TASP1: variants seen among roughly 807,000 people sequenced by gnomAD.
TASP1 encodes the protein threonine aspartase 1.
In TASP1, 16 loss-of-function variants were observed where a neutral mutation model predicts 56.6. That is an observed-to-expected ratio of 0.28 (90% confidence interval 0.19 to 0.43). TASP1 has a LOEUF of 0.43. Ranked by LOEUF, TASP1 falls within the 20% of genes least tolerant of loss-of-function variation. The pLI is 1.00. For synonymous variants in TASP1, 179 were observed against 184.2 expected (o/e 0.97, Z 0.23); for missense variants, 393 against 511.6 (o/e 0.77, Z 2.24).
the TASP1 span, among the ~76,000 whole-genome samples, chr20:13,357,375 A>G: frequency 6.6e-6 from 1 of 152,166 alleles, no homozygotes; most frequent in African/African-American, 2.4e-5. Flanking sequence ...CTTTATCTTC[A>G]GGATCAGATA....
At chr20:13,353,964 A>G in the TASP1 span, among the ~76,000 whole-genome samples, 1 of 152,204 alleles carries the variant, frequency 6.6e-6, no homozygotes, top group African/African-American at 2.4e-5. Flanking sequence ...GAAAACTTCA[A>G]AAAGTCTCAC....
intron 4 of TASP1, among the ~76,000 whole-genome samples, chr20:13,619,754 G>A (rs1185458395): frequency 6.6e-6 from 1 of 152,114 alleles, no homozygotes; most frequent in Non-Finnish European, 1.5e-5. Context: ...AATCTTCTCT[G>A]CTGTGAGTGA....
At position 13,390,402 on chromosome 20, in the gene TASP1, T is replaced by C. The variant is rs1267032099; in HGVS notation, c.1221A>G (p.Ala407=). 1.2e-6 allele frequency: 2 copies of C among 1,613,980 alleles called. No individual in the cohort carries two copies. Among genetic ancestry groups the C allele is most frequent in the South Asian group, 2.2e-5 (2 of 91,072 alleles). ...PPGAVAGQSV[A]IEGGVCRLES... is the part of the protein sequence containing the mutation. ...CCAGGCGGCACACCCCACCTTCGAT[T>C]GCCACAGACTGTCCTGCCACCGCAC... is the stretch of plus-strand genomic sequence containing the variant. Residue 407 remains alanine, a synonymous_variant, in exon 14 of 14, where the codon GCA becomes GCG. Coordinates refer to ENST00000337743, the MANE Select transcript of TASP1 (RefSeq NM_017714.3).
At chr20:13,497,469 T>C (rs117781190) in intron 10 of TASP1, among the ~76,000 whole-genome samples, 3,892 of 152,252 alleles carry the variant, frequency 0.026, 69 homozygotes, top group South Asian at 0.043. Flanking sequence ...AGCTGAAAGC[T>C]AGGCTGTAAA....
At chr20:13,362,808 A>AATATATAT in the TASP1 span, among the ~76,000 whole-genome samples, 6,243 of 114,452 alleles carry the variant, frequency 0.055, 359 homozygotes, top group East Asian at 0.18. Context: ...AATAGCAAGA[A>AATATATAT]ATATATATAT....
chr20:13,322,008 G>C, the TASP1 span, among the ~76,000 whole-genome samples: 3 of 152,178 alleles, frequency 2.0e-5, no homozygotes, highest in African/African-American at 7.2e-5. Context: ...GAATTAATGA[G>C]TCAACATTTA....
rs557568353 is a variant in TASP1 at position 13,522,754 on chromosome 20, A to G, written c.874+5679T>C. On this transcript the variant is annotated intron_variant, in intron 10 of 13. Coordinates refer to ENST00000337743, the MANE Select transcript of TASP1 (RefSeq NM_017714.3). ...ACTTAGCCATCAGACTGGATGAGAC[A>G]CAAAGGGAGCAGGTATACAAAGAAA... Among the ~76,000 whole-genome samples, 60 of 152,278 alleles carry G rather than the reference A, an allele frequency of 3.9e-4. 1 individual carries two copies. In the South Asian group the frequency reaches 6.2e-3, roughly 16 times the overall value.
At chr20:13,291,116 G>T in the TASP1 span, among the ~76,000 whole-genome samples, 1 of 152,152 alleles carries the variant, frequency 6.6e-6, no homozygotes, top group Non-Finnish European at 1.5e-5. Context: ...CCTTGTCAGG[G>T]GAAGGCTCCC....
intron 1 of TASP1, among the ~76,000 whole-genome samples, chr20:13,637,350 C>T (rs765530122): frequency 2.0e-5 from 3 of 152,192 alleles, no homozygotes; most frequent in African/African-American, 7.2e-5. Flanking sequence ...AAAAGTTAAA[C>T]ATAGAGTTAC....
At chr20:13,350,534 T>TA in the TASP1 span, among the ~76,000 whole-genome samples, 1 of 152,164 alleles carries the variant, frequency 6.6e-6, no homozygotes, top group Non-Finnish European at 1.5e-5. Context: ...ATTTAAAACT[T>TA]ACGCTCTATG....
At chr20:13,423,488 T>A (rs978588163) in intron 12 of TASP1, among the ~76,000 whole-genome samples, 1 of 152,050 alleles carries the variant, frequency 6.6e-6, no homozygotes, top group African/African-American at 2.4e-5. Flanking sequence ...CATGCTGCAG[T>A]TTAAAAAAAA....
At chr20:13,347,741 C>G in the TASP1 span, among the ~76,000 whole-genome samples, 1 of 151,712 alleles carries the variant, frequency 6.6e-6, no homozygotes, top group Admixed American at 6.6e-5. Flanking sequence ...ACTCGAGAGG[C>G]TGAGGCAGGA....
chr20:13,502,489 C>T (rs6042180), intron 10 of TASP1, among the ~76,000 whole-genome samples: 2 of 152,030 alleles, frequency 1.3e-5, no homozygotes, highest in Admixed American at 1.3e-4. Flanking sequence ...TACCATAGAC[C>T]TATAGGTCAA....
intron 8 of TASP1, among the ~76,000 whole-genome samples, chr20:13,547,507 A>G (rs1355522656): frequency 6.6e-6 from 1 of 152,230 alleles, no homozygotes; most frequent in African/African-American, 2.4e-5. Context: ...GAAGGAAGAT[A>G]ATGGAAAAGT....
chr20:13,280,398 C>T, the TASP1 span, among the ~76,000 whole-genome samples: 2 of 148,016 alleles, frequency 1.4e-5, no homozygotes, highest in Non-Finnish European at 3.0e-5. Flanking sequence ...GTAACCCCCC[C>T]CCCCCAATAC....
intron 7 of TASP1, among the ~76,000 whole-genome samples, chr20:13,566,068 C>T (rs921365374): frequency 2.0e-5 from 3 of 152,016 alleles, no homozygotes; most frequent in Non-Finnish European, 4.4e-5. Flanking sequence ...AGAAGTCATG[C>T]TAAGTGAAAT....
the TASP1 span, chr20:13,164,998 G>A: frequency 3.0e-6 from 2 of 657,230 alleles, no homozygotes; most frequent in Admixed American, 3.0e-5. Flanking sequence ...TGATTGAACT[G>A]AGGGAGACGT....
intron 10 of TASP1, among the ~76,000 whole-genome samples, chr20:13,498,797 A>C (rs965097430): frequency 1.6e-4 from 3 of 18,658 alleles, no homozygotes; most frequent in Non-Finnish European, 3.5e-4. Flanking sequence ...TAAAAAAGGC[A>C]AAAAAAAAAA....
At chr20:13,455,383 G>A (rs2043793127) in intron 11 of TASP1, among the ~76,000 whole-genome samples, 1 of 152,132 alleles carries the variant, frequency 6.6e-6, no homozygotes, top group South Asian at 2.1e-4. Context: ...ACACTAACTT[G>A]TTATAACATG....
Sources: allele counts gnomAD v4.1 joint callset (sites outside exome capture counted in the v4.1 genomes callset), GRCh38; gene constraint gnomAD v4.1.1; transcripts MANE v1.5; gene names NCBI Gene and HGNC (gene_info 2026-07-23, HGNC 2026-07-21).